ZNF536: variants seen among roughly 807,000 people sequenced by gnomAD.
ZNF536 encodes the protein zinc finger protein 536.
Under a neutral mutation model 84.5 loss-of-function variants are expected in ZNF536, and 13 were observed. The observed-to-expected ratio is 0.15, with a 90% CI of 0.10 to 0.24. ZNF536 has a LOEUF of 0.24. Ranked by LOEUF, ZNF536 falls within the 10% of genes least tolerant of loss-of-function variation. The probability of loss-of-function intolerance (pLI) is 1.00; values close to 1 mark genes in which losing one functional copy is unlikely to be tolerated. For missense variants in ZNF536, 1,536 were observed against 1,747.5 expected (o/e 0.88, Z 2.16); for synonymous variants, 811 against 742.5 (o/e 1.09, Z -1.50).
At chr19:30,339,720 G>T (rs1471925660) in intron 2 of ZNF536, among the ~76,000 whole-genome samples, 1 of 152,190 alleles carries the variant, frequency 6.6e-6, no homozygotes, top group Non-Finnish European at 1.5e-5. Context: ...GACAAGAGGG[G>T]CTGCTACAGC....
chr19:30,482,027 G>T (rs1474821859), intron 2 of ZNF536, among the ~76,000 whole-genome samples: 3 of 152,170 alleles, frequency 2.0e-5, no homozygotes, highest in African/African-American at 7.2e-5. Flanking sequence ...GTATTCCATG[G>T]TGTATATGTA....
chr19:30,499,957 C>T lies in ZNF536; in HGVS notation c.2171-34890C>T, dbSNP rs536417313. On this transcript the variant is annotated intron_variant, in intron 2 of 4. Coordinates refer to ENST00000355537, the MANE Select transcript of ZNF536 (RefSeq NM_014717.3). ...GTGCAAGTCTAAGTGTGTGGCCCCA[C>T]CCCACTCCCCCACCTACCAGGGACT... 2.0e-5 allele frequency among the ~76,000 whole-genome samples: 3 copies of T among 152,284 alleles called. No individual in the cohort carries two copies. The South Asian group carries it at 6.2e-4, about 32-fold the overall frequency.
intron 1 of ZNF536, among the ~76,000 whole-genome samples, chr19:30,582,539 T>A (rs2046957875): frequency 6.6e-6 from 1 of 152,044 alleles, no homozygotes; most frequent in Admixed American, 6.6e-5. Context: ...TACAGGTGCA[T>A]GCCATTATGC....
At chr19:30,593,018 T>C (rs1297654195) in intron 1 of ZNF536, among the ~76,000 whole-genome samples, 4 of 152,204 alleles carry the variant, frequency 2.6e-5, no homozygotes, top group Non-Finnish European at 4.4e-5. Context: ...GCCGAACCCT[T>C]CATTAGACCT....
intron 2 of ZNF536, among the ~76,000 whole-genome samples, chr19:30,457,314 A>T (rs547055599): frequency 2.0e-5 from 3 of 152,334 alleles, no homozygotes; most frequent in African/African-American, 7.2e-5. Context: ...GACTTCCTGG[A>T]GGAAGCAGAC....
Position 30,549,289 on chromosome 19 carries a change from C to T in ZNF536, c.3670C>T (p.Pro1224Ser), listed in dbSNP as rs2045683065. 3 of 1,613,612 alleles carry T rather than the reference C, an allele frequency of 1.9e-6. No homozygotes were observed. The highest frequency in any genetic ancestry group is 1.1e-5 in the South Asian group (1 of 91,060). The change falls in exon 4 of 5, where the codon CCT becomes TCT. Residue 1224 changes from proline (P) to serine (S), a missense_variant. By Grantham distance (74) the Pro-to-Ser change is moderately conservative. Around this residue, in one of 8 missense-constraint regions of ZNF536, gnomAD observed 624 missense variants for 603.1 expected, o/e 1.03. Transcript: ENST00000355537. ...TSQPVQGLVSPLSQAPEKQWH... is the reference protein window; with the variant it reads ...TSQPVQGLVSSLSQAPEKQWH... ...CCAGCCCGTCCAGGGACTGGTCTCACCTTTATCCCAAGCACCGGAGAAGCA... is the reference window on the plus strand; with the variant it reads ...CCAGCCCGTCCAGGGACTGGTCTCATCTTTATCCCAAGCACCGGAGAAGCA...
At chr19:30,425,384 A>G (rs1009589149) in intron 1 of ZNF536, among the ~76,000 whole-genome samples, 16 of 152,314 alleles carry the variant, frequency 1.1e-4, no homozygotes, top group Middle Eastern at 3.4e-3. Context: ...TTTCGTTTCC[A>G]GTGATTGAAA....
intron 1 of ZNF536, among the ~76,000 whole-genome samples, chr19:30,414,736 A>C (rs757150359): frequency 6.6e-6 from 1 of 152,228 alleles, no homozygotes; most frequent in African/African-American, 2.4e-5. Context: ...ATTTGAACTT[A>C]AATATAAATA....
intron 1 of ZNF536, among the ~76,000 whole-genome samples, chr19:30,577,759 C>T (rs1341133179): frequency 9.2e-5 from 14 of 152,180 alleles, no homozygotes; most frequent in Admixed American, 7.9e-4. Context: ...ACCTTTGAAT[C>T]GCCAGTGGAC....
chr19:30,676,119 T>C (rs1196980845), intron 1 of ZNF536, among the ~76,000 whole-genome samples: 1 of 152,130 alleles, frequency 6.6e-6, no homozygotes, highest in Admixed American at 6.5e-5. Flanking sequence ...TCTCCCAAAG[T>C]ATTGGGATTA....
At chr19:30,422,687 C>A (rs1203441742) in intron 1 of ZNF536, among the ~76,000 whole-genome samples, 1 of 152,050 alleles carries the variant, frequency 6.6e-6, no homozygotes, top group Non-Finnish European at 1.5e-5. Flanking sequence ...ACACATCTAC[C>A]CATCCTTCTA....
chr19:30,429,459 C>A (rs1029776878), intron 1 of ZNF536, among the ~76,000 whole-genome samples: 2 of 152,038 alleles, frequency 1.3e-5, no homozygotes, highest in African/African-American at 4.8e-5. Flanking sequence ...CTGTTGTCTC[C>A]AAGAACAACT....
chr19:30,446,910 A>T (rs941762013), intron 2 of ZNF536, among the ~76,000 whole-genome samples: 16 of 152,218 alleles, frequency 1.1e-4, no homozygotes, highest in Admixed American at 5.2e-4. Context: ...GCCTTCATCC[A>T]TATTTCCAAA....
intron 1 of ZNF536, among the ~76,000 whole-genome samples, chr19:30,397,573 TA>T (rs1568389740): frequency 1.3e-5 from 2 of 152,276 alleles, no homozygotes; most frequent in Non-Finnish European, 2.9e-5. Flanking sequence ...ACAAAAAGCT[TA>T]AAAAAACTCA....
At chr19:30,560,374 T>C (rs1012902784), downstream of ZNF536, among the ~76,000 whole-genome samples, 17 of 150,656 alleles carry the variant, frequency 1.1e-4, no homozygotes, top group Non-Finnish European at 2.5e-4. Context: ...CAAGCCCACC[T>C]CCCCTGTAAA....
chr19:30,664,203 TTTCTCTC>T (rs2050222296), intron 1 of ZNF536, among the ~76,000 whole-genome samples: 2 of 88,708 alleles, frequency 2.3e-5, no homozygotes, highest in Non-Finnish European at 4.0e-5. Flanking sequence ...CTTGCTGAGT[TTTCTCTC>T]TCTCTCTCTC....
rs189675266 is a variant in ZNF536 at position 30,707,434 on chromosome 19, T to C, written c.170-3323T>C. On this transcript the variant is annotated intron_variant, in intron 1 of 1. Coordinates refer to the ZNF536 transcript ENST00000592773. ...TCCCTAGGTGACCAAGCCCTTAAGGTGAAAAGGGTGGCAAGACAGCAAATG... is the reference window on the plus strand; with the variant it reads ...TCCCTAGGTGACCAAGCCCTTAAGGCGAAAAGGGTGGCAAGACAGCAAATG... Among the ~76,000 whole-genome samples, 216 of 151,942 alleles carry C rather than the reference T, an allele frequency of 1.4e-3. 2 individuals are homozygous for C. Among genetic ancestry groups the C allele is most frequent in the South Asian group, 0.013 (63 of 4,810 alleles).
chr19:30,419,514 T>A (rs1474626741), intron 1 of ZNF536, among the ~76,000 whole-genome samples: 1 of 152,238 alleles, frequency 6.6e-6, no homozygotes. Context: ...TATGTCATCA[T>A]TACAAACACA....
chr19:30,259,499 G>A (rs2025085096), intron 1 of ZNF536, among the ~76,000 whole-genome samples: 1 of 152,154 alleles, frequency 6.6e-6, no homozygotes, highest in African/African-American at 2.4e-5. Context: ...TGTGGGTTAG[G>A]CCCAGCAGTC....
Sources: allele counts gnomAD v4.1 joint callset (sites outside exome capture counted in the v4.1 genomes callset), GRCh38; gene constraint gnomAD v4.1.1; regional missense constraint gnomAD v4.1.1; transcripts MANE v1.5; gene names NCBI Gene and HGNC (gene_info 2026-07-23, HGNC 2026-07-21).